Variants in TOR3A observed in about 807,000 individuals in gnomAD.
The protein encoded by TOR3A is torsin-3A.
In TOR3A, 44 loss-of-function variants were observed where a neutral mutation model predicts 42.1. The observed-to-expected ratio is 1.04, with a 90% CI of 0.82 to 1.34. TOR3A has a LOEUF of 1.34. TOR3A is among the 40% of genes most tolerant of loss of function. TOR3A has a pLI of 0.00. For missense variants in TOR3A, 521 were observed against 507.6 expected (o/e 1.03, Z -0.25); for synonymous variants, 227 against 213.2 (o/e 1.06, Z -0.57).
intron 1 of TOR3A, 109 bp from the exon 2 acceptor site, chr1:179,082,825 TAGAATC>T: frequency 1.3e-6 from 1 of 774,640 alleles, no homozygotes; most frequent in Non-Finnish European, 2.2e-6. Context: ...GGCTGGGAGT[TAGAATC>T]TGAGTTCTGG....
Position 179,095,424 on chromosome 1 carries a change from C to CGAGATAGATAGGAACTTGG in TOR3A, c.*207_*225dup, listed in dbSNP as rs2102548099. The CGAGATAGATAGGAACTTGG allele has an allele frequency of 4.4e-6, 6 of 1,374,602 alleles. No homozygotes were observed. The East Asian group carries it at 1.0e-4, about 23-fold the overall frequency. 85.2% of individuals were successfully genotyped at this position (1,374,602 alleles called of 1,614,324 possible). Reference sequence around the variant, plus strand: ...TTTTTCTTTTTTTTGGAGGTCCCACCGAGATAGATAGGAACTTGGATTGCT... The same window carrying CGAGATAGATAGGAACTTGG: ...TTTTTCTTTTTTTTGGAGGTCCCACCGAGATAGATAGGAACTTGGGAGATAGATAGGAACTTGGATTGCT... On this transcript the variant is annotated 3_prime_UTR_variant, in exon 6 of 6. Coordinates refer to ENST00000367627, the MANE Select transcript of TOR3A (RefSeq NM_022371.4).
intron 4 of TOR3A, among the ~76,000 whole-genome samples, chr1:179,093,107 G>A (rs1376656500): frequency 6.6e-6 from 1 of 152,228 alleles, no homozygotes; most frequent in Admixed American, 6.5e-5. Context: ...AGCCCAGGGA[G>A]GGGAGGAGAG....
At chr1:179,086,036 C>A in intron 3 of TOR3A, 143 bp downstream of exon 3, 1 of 1,001,466 alleles carries the variant, frequency 1.0e-6, no homozygotes, top group Non-Finnish European at 1.4e-6. Flanking sequence ...CCACTCCGTC[C>A]ACTCCTCACA....
intron 1 of TOR3A, among the ~76,000 whole-genome samples, 157 bp downstream of exon 1, chr1:179,082,544 G>A (rs2102540347): frequency 1.3e-5 from 2 of 152,364 alleles, no homozygotes; most frequent in African/African-American, 4.8e-5. Context: ...CAGCCTCCGC[G>A]GAGCAGGGAG....
chr1:179,086,452 GTC>G (rs1652435952), intron 3 of TOR3A, among the ~76,000 whole-genome samples: 1 of 152,156 alleles, frequency 6.6e-6, no homozygotes, highest in Non-Finnish European at 1.5e-5. Context: ...GGATCACGAG[GTC>G]AGGAGATCGA....
rs866888924 is a variant in TOR3A at position 179,095,840 on chromosome 1, A to C, written c.*622A>C. 5.4e-5 allele frequency: 53 copies of C among 986,168 alleles called. 1 individual carries two copies. The Middle Eastern group carries it at 1.5e-3, about 29-fold the overall frequency. 61.1% of individuals were successfully genotyped at this position (986,168 alleles called of 1,614,324 possible). A position where few individuals can be genotyped will look rare whatever the true frequency, so the allele number is the denominator to read the frequency against. ...CCTGAGGCTGAAGGGAAAAGTACAC[A>C]GAGGAAGATATTTTACAAACCAGGT... On this transcript the variant is annotated 3_prime_UTR_variant, in exon 6 of 6. Coordinates refer to ENST00000367627, the MANE Select transcript of TOR3A (RefSeq NM_022371.4).
intron 4 of TOR3A, among the ~76,000 whole-genome samples, chr1:179,090,707 G>A (rs193266607): frequency 3.6e-4 from 55 of 152,234 alleles, no homozygotes; most frequent in African/African-American, 9.4e-4. Context: ...AATTGGGGCC[G>A]GTGACTGGGC....
intron 2 of TOR3A, among the ~76,000 whole-genome samples, chr1:179,084,790 C>T (rs541068279): frequency 6.6e-6 from 1 of 152,316 alleles, no homozygotes; most frequent in African/African-American, 2.4e-5. Context: ...TCACCCACAG[C>T]TGGCCGCACA....
At chr1:179,086,864 C>T (rs1652451679) in intron 3 of TOR3A, among the ~76,000 whole-genome samples, 2 of 152,154 alleles carry the variant, frequency 1.3e-5, no homozygotes, top group Admixed American at 1.3e-4. Context: ...TTGACTGCAC[C>T]TGTCTTTGGC....
chr1:179,086,010 A>G, intron 3 of TOR3A, 117 bp downstream of exon 3: 1 of 1,312,744 alleles, frequency 7.6e-7, no homozygotes, highest in Non-Finnish European at 1.0e-6. Flanking sequence ...GACAGGTGGC[A>G]GAACCTGTGA....
rs1377030838 is a variant in TOR3A, at chr1:179,085,661, G to T, written c.407G>T (p.Gly136Val). The change falls in exon 3 of 6, where the codon GGC becomes GTC. Residue 136 changes from glycine (G) to valine (V), a missense_variant. Transcript: ENST00000367627. Reference protein sequence around the residue: ...LEWDLNVRLHGQHLVQQLVLR... With the variant: ...LEWDLNVRLHVQHLVQQLVLR... ...TGGGACCTGAATGTGCGGCTGCATG[G>T]CCAGCATTTGGTCCAGCAGCTGGTC... The T allele has an allele frequency of 6.2e-7, 1 of 1,614,120 alleles. No individual in the cohort carries two copies. Among genetic ancestry groups the T allele is most frequent in the Admixed American group, 1.7e-5 (1 of 60,008 alleles).
At position 179,085,862 on chromosome 1, in the gene TOR3A, T is replaced by C. The variant is rs1456420840; in HGVS notation, c.608T>C (p.Phe203Ser). Residue 203 changes from phenylalanine (F) to serine (S), a missense_variant, in exon 3 of 6, where the codon TTT (phenylalanine) becomes TCT (serine). Coordinates refer to ENST00000367627, the MANE Select transcript of TOR3A (RefSeq NM_022371.4). ...AGGATGTTCATCGCCACGTTCCACT[T>C]TCCTCACCCCAAATATGTGGACCTG... is the stretch of plus-strand genomic sequence containing the variant. Reference protein sequence around the residue: ...CVRMFIATFHFPHPKYVDLYK... With the variant: ...CVRMFIATFHSPHPKYVDLYK... 2 of 1,614,012 alleles carry C rather than the reference T, an allele frequency of 1.2e-6. No individual in the cohort carries two copies. The highest frequency in any genetic ancestry group is 1.7e-6 in the Non-Finnish European group (2 of 1,180,042).
intron 2 of TOR3A, among the ~76,000 whole-genome samples, chr1:179,084,650 C>G (rs1652381500): frequency 6.6e-6 from 1 of 152,214 alleles, no homozygotes; most frequent in Middle Eastern, 3.2e-3. Context: ...TCTTCTATGT[C>G]ACTACTACTT....
At chr1:179,094,009 C>G in intron 4 of TOR3A, 84 bp from the exon 5 acceptor site, 1 of 1,522,098 alleles carries the variant, frequency 6.6e-7, no homozygotes, top group Non-Finnish European at 8.9e-7. Context: ...CTTCCAGGCA[C>G]TAATGCATTG....
intron 2 of TOR3A, among the ~76,000 whole-genome samples, chr1:179,085,092 C>T (rs1572572842): frequency 6.6e-6 from 1 of 152,234 alleles, no homozygotes; most frequent in Admixed American, 6.5e-5. Context: ...GGTGATTCCA[C>T]TCTCCCTGAG....
At position 179,095,465 on chromosome 1, in the gene TOR3A, G is replaced by T; in HGVS notation, c.*247G>T. 1 of 1,365,320 alleles carries T rather than the reference G, an allele frequency of 7.3e-7. No homozygotes were observed. Among genetic ancestry groups the T allele is most frequent in the Non-Finnish European group, 9.4e-7 (1 of 1,061,144 alleles). 84.6% of individuals were successfully genotyped at this position (1,365,320 alleles called of 1,614,324 possible). ...TTGGATTGCTGAATTCAAAAACAGA[G>T]CCCATTCTTAAGATCACTTGGTGCC... On this transcript the variant is annotated 3_prime_UTR_variant, in exon 6 of 6. Coordinates refer to ENST00000367627, the MANE Select transcript of TOR3A (RefSeq NM_022371.4).
intron 4 of TOR3A, among the ~76,000 whole-genome samples, chr1:179,093,883 A>G (rs1018974250): frequency 2.6e-5 from 4 of 152,200 alleles, no homozygotes; most frequent in African/African-American, 7.2e-5. Flanking sequence ...AAGAGGGAAC[A>G]AGAGAGAATG....
chr1:179,091,961 G>A (rs896703592), intron 4 of TOR3A, among the ~76,000 whole-genome samples: 1 of 152,236 alleles, frequency 6.6e-6, no homozygotes, highest in Non-Finnish European at 1.5e-5. Flanking sequence ...CTTCCCCGGG[G>A]AAAGCCTGGC....
chr1:179,087,982 G>C lies in TOR3A; in HGVS notation c.711G>C (p.Ala237=). 6.2e-7 allele frequency: 1 copy of C among 1,613,330 alleles called. No individual in the cohort carries two copies. The highest frequency in any genetic ancestry group is 8.5e-7 in the Non-Finnish European group (1 of 1,179,704). ...CHQTLFIFDE[A]EKLHPGLLEV... ...AGACCCTGTTCATCTTCGATGAAGC[G>C]GAGAAGCTGCACCCAGGGCTGCTGG... Residue 237 remains alanine (A), a synonymous_variant, in exon 4 of 6, where the codon GCG becomes GCC. Coordinates refer to ENST00000367627, the MANE Select transcript of TOR3A (RefSeq NM_022371.4).
Sources: allele counts gnomAD v4.1 joint callset (sites outside exome capture counted in the v4.1 genomes callset), GRCh38; gene constraint gnomAD v4.1.1; transcripts MANE v1.5; gene names NCBI Gene and HGNC (gene_info 2026-07-23, HGNC 2026-07-21).